Variants in MRC1 observed in about 807,000 individuals in gnomAD.
MRC1 encodes the protein mannose receptor C-type 1, also known as macrophage mannose receptor 1.
MRC1 carries 62 observed loss-of-function variants against 102.9 expected under a neutral mutation model. The ratio of observed to expected loss-of-function variants is 0.60; its 90% CI spans 0.49 to 0.74. The LOEUF is 0.74. MRC1 is among the 30% of genes least tolerant of loss of function. The probability of loss-of-function intolerance (pLI) is 0.00; values close to 1 mark genes in which losing one functional copy is unlikely to be tolerated. For synonymous variants in MRC1, 457 were observed against 298.4 expected (o/e 1.53, Z -5.48); for missense variants, 1,237 against 862.8 (o/e 1.43, Z -5.43).
intron 9 of MRC1, among the ~76,000 whole-genome samples, chr10:17,857,627 G>A (rs1205312746): frequency 1.3e-5 from 2 of 152,148 alleles, no homozygotes; most frequent in African/African-American, 4.8e-5. Flanking sequence ...AACACAAAGA[G>A]TTTAAACAAC....
intron 9 of MRC1, among the ~76,000 whole-genome samples, chr10:17,858,457 G>A (rs1202309119): frequency 6.6e-6 from 1 of 151,994 alleles, no homozygotes; most frequent in Non-Finnish European, 1.5e-5. Flanking sequence ...CCTAGATCTG[G>A]AATTATTTTA....
intron 12 of MRC1, 107 bp from the exon 13 acceptor site, chr10:17,870,139 T>G: frequency 1.4e-6 from 1 of 700,904 alleles, no homozygotes; most frequent in South Asian, 1.7e-5. Flanking sequence ...GTCATTACAC[T>G]GTTTTGTTTT....
At chr10:17,904,557 C>T (rs1008713525) in intron 26 of MRC1, among the ~76,000 whole-genome samples, 9 of 152,112 alleles carry the variant, frequency 5.9e-5, no homozygotes, top group African/African-American at 1.2e-4. Flanking sequence ...GTAGTTTTAT[C>T]GTGATGTGTA....
rs1554840896 is a variant in MRC1 at position 17,856,356 on chromosome 10, A to C, written c.1518+4A>C. The stretch of plus-strand genomic sequence containing the variant: ...AGTCGAAAAAGGCTGCAGGAAAGTG[A>C]GTGCACCATGCCCACAGTGACTTAA... On this transcript the variant is annotated splice_donor_region_variant and intron_variant, in intron 9 of 29. Coordinates refer to ENST00000569591, the MANE Select transcript of MRC1 (RefSeq NM_002438.4). The C allele has an allele frequency of 2.4e-6, 2 of 844,124 alleles. No homozygotes were observed. Among genetic ancestry groups the C allele is most frequent in the African/African-American group, 3.3e-5 (2 of 60,718 alleles). The allele number at this position is 844,124 out of a possible 1,614,324, so 52.3% of individuals were successfully genotyped here.
chr10:17,844,840 T>G (rs1406027214), intron 5 of MRC1, among the ~76,000 whole-genome samples: 1 of 152,234 alleles, frequency 6.6e-6, no homozygotes, highest in Non-Finnish European at 1.5e-5. Context: ...TTTGGCTTTC[T>G]GTTCTGCATT....
intron 1 of MRC1, among the ~76,000 whole-genome samples, chr10:17,821,398 C>A (rs2130587606): frequency 6.6e-6 from 1 of 152,278 alleles, no homozygotes; most frequent in East Asian, 1.9e-4. Flanking sequence ...AAATCTACCA[C>A]CTTTACCCAA....
chr10:17,847,790 G>T (rs482272), intron 6 of MRC1, among the ~76,000 whole-genome samples: 126,712 of 152,274 alleles, frequency 0.83, 52,959 homozygotes, highest in East Asian at 1. Flanking sequence ...TTTCAAATAT[G>T]TTTAAAGTTC....
At chr10:17,891,891 G>T (rs948092416) in intron 22 of MRC1, among the ~76,000 whole-genome samples, 11 of 152,148 alleles carry the variant, frequency 7.2e-5, no homozygotes, top group African/African-American at 2.7e-4. Context: ...AAGATATTGG[G>T]GAGGGGAAGT....
chr10:17,840,363 A>C (rs1257985670), intron 4 of MRC1, among the ~76,000 whole-genome samples: 1 of 152,230 alleles, frequency 6.6e-6, no homozygotes, highest in Non-Finnish European at 1.5e-5. Context: ...ACCTATTCAT[A>C]TTCACACAAG....
intron 24 of MRC1, among the ~76,000 whole-genome samples, chr10:17,899,413 T>G (rs984380185): frequency 4.6e-5 from 7 of 152,180 alleles, no homozygotes; most frequent in Non-Finnish European, 1.0e-4. Context: ...TTAGAAAGAT[T>G]AAATAGTTTT....
chr10:17,865,269 A>C (rs925627065), intron 11 of MRC1: 3 of 152,222 alleles, frequency 2.0e-5, no homozygotes, highest in Non-Finnish European at 2.9e-5. Context: ...TCAGTAACCT[A>C]AATAGTGTGA....
intron 3 of MRC1, 63 bp from the exon 4 acceptor site, chr10:17,833,612 T>C: frequency 2.6e-6 from 2 of 778,954 alleles, no homozygotes; most frequent in South Asian, 2.7e-5. Context: ...GTTTAAATAA[T>C]ACTATTCACT....
rs1833961758 is a variant in MRC1 at position 17,911,004 on chromosome 10, C to T, written c.*539C>T. On this transcript the variant is annotated 3_prime_UTR_variant, in exon 30 of 30. Transcript: ENST00000569591. Reference sequence around the variant, plus strand: ...TAAGGCAGCTGAGAATCTTGTTTCCCCCAAGAGAGTTTTACAGGCTGAGTG... The same window carrying T: ...TAAGGCAGCTGAGAATCTTGTTTCCTCCAAGAGAGTTTTACAGGCTGAGTG... 6.0e-6 allele frequency: 1 copy of T among 165,612 alleles called. No individual in the cohort carries two copies. The highest frequency in any genetic ancestry group is 5.6e-5 in the Admixed American group (1 of 17,926). 10.3% of individuals were successfully genotyped at this position (165,612 alleles called of 1,614,324 possible). A position where few individuals can be genotyped will look rare whatever the true frequency, so the allele number is the denominator to read the frequency against.
At chr10:17,903,397 T>C (rs1348885116) in intron 26 of MRC1, among the ~76,000 whole-genome samples, 9 of 136,464 alleles carry the variant, frequency 6.6e-5, no homozygotes, top group East Asian at 2.0e-4. Context: ...TTTTTCTTTT[T>C]TTTTTTTTTT....
chr10:17,872,829 C>G (rs1262520841), intron 15 of MRC1, among the ~76,000 whole-genome samples: 1 of 152,202 alleles, frequency 6.6e-6, no homozygotes, highest in Non-Finnish European at 1.5e-5. Flanking sequence ...CAAACCTACC[C>G]TTGAACCAAA....
chr10:17,859,081 T>C (rs1473265255), intron 9 of MRC1, among the ~76,000 whole-genome samples: 1 of 152,224 alleles, frequency 6.6e-6, no homozygotes, highest in Non-Finnish European at 1.5e-5. Context: ...ATTACTATAT[T>C]TAATCTGACC....
chr10:17,849,825 C>A, intron 7 of MRC1, 61 bp downstream of exon 7: 1 of 692,358 alleles, frequency 1.4e-6, no homozygotes. Context: ...CCTTTCTACC[C>A]AACTCTGGAA....
At chr10:17,829,880 T>C (rs1227758915) in intron 3 of MRC1, among the ~76,000 whole-genome samples, 3 of 151,566 alleles carry the variant, frequency 2.0e-5, no homozygotes, top group Non-Finnish European at 4.4e-5. Context: ...GGATGTGTGT[T>C]GGAGACGTAT....
At chr10:17,821,607 G>A (rs949107225) in intron 1 of MRC1, among the ~76,000 whole-genome samples, 5 of 152,056 alleles carry the variant, frequency 3.3e-5, no homozygotes, top group Non-Finnish European at 5.9e-5. Flanking sequence ...ACAGAGGAGC[G>A]TGTCAGGAGA....
Sources: allele counts gnomAD v4.1 joint callset (sites outside exome capture counted in the v4.1 genomes callset), GRCh38; gene constraint gnomAD v4.1.1; transcripts MANE v1.5; gene names NCBI Gene and HGNC (gene_info 2026-07-23, HGNC 2026-07-21).